UBE2O: variants seen among roughly 807,000 people sequenced by gnomAD.
The protein encoded by UBE2O is ubiquitin conjugating enzyme E2 O, also known as (E3-independent) E2 ubiquitin-conjugating enzyme.
UBE2O carries 15 observed loss-of-function variants against 125.8 expected under a neutral mutation model. The ratio of observed to expected loss-of-function variants is 0.12; its 90% CI spans 0.08 to 0.18. The LOEUF (loss-of-function observed/expected upper bound fraction) is 0.18, where lower values mean the gene tolerates loss of function less well. UBE2O is among the 10% of genes least tolerant of loss of function. The pLI, the probability that UBE2O is intolerant of heterozygous loss-of-function variation, is 1.00. For synonymous variants in UBE2O, 708 were observed against 703.2 expected (o/e 1.01, Z -0.11); for missense variants, 1,280 against 1,723.6 (o/e 0.74, Z 4.56).
Position 76,452,650 on chromosome 17 carries a change from A to T in UBE2O, c.417+75T>A. ...GGCACCGCTCCGGGCAGGGCCCTGC[A>T]CGCCGTCCTTCCCTGGCCTCGGCCC... On this transcript the variant is annotated intron_variant, in intron 1 of 17. Transcript: ENST00000319380. The surrounding 1 kb of genome is among the most constrained non-coding windows in gnomAD (Gnocchi z 4.4). 7.7e-7 allele frequency: 1 copy of T among 1,298,692 alleles called. No individual in the cohort carries two copies. The highest frequency in any genetic ancestry group is 9.8e-7 in the Non-Finnish European group (1 of 1,023,172). The allele number at this position is 1,298,692 out of a possible 1,614,324, so 80.4% of individuals were successfully genotyped here. A position where few individuals can be genotyped will look rare whatever the true frequency, so the allele number is the denominator to read the frequency against.
Position 76,395,553 on chromosome 17 carries a change from G to A in UBE2O, c.2946+172C>T, listed in dbSNP as rs1174994054. Reference sequence around the variant, plus strand: ...AACCATCTGGCCTGGACACACGGCTGAGTCAGCCCTCACCTGACTGAGCCT... The same window carrying A: ...AACCATCTGGCCTGGACACACGGCTAAGTCAGCCCTCACCTGACTGAGCCT... On this transcript the variant is annotated intron_variant, in intron 15 of 17. Coordinates refer to ENST00000319380, the MANE Select transcript of UBE2O (RefSeq NM_022066.4). The surrounding 1 kb of genome is among the most constrained non-coding windows in gnomAD (Gnocchi z 5.0). 4.3e-6 allele frequency: 3 copies of A among 694,526 alleles called. No homozygotes were observed. The highest frequency in any genetic ancestry group is 1.8e-5 in the African/African-American group (1 of 55,632). The allele number at this position is 694,526 out of a possible 1,614,324, so 43.0% of individuals were successfully genotyped here. A position where few individuals can be genotyped will look rare whatever the true frequency, so the allele number is the denominator to read the frequency against.
chr17:76,422,396 G>T (rs1362990147), intron 1 of UBE2O, among the ~76,000 whole-genome samples: 2 of 152,186 alleles, frequency 1.3e-5, no homozygotes, highest in Non-Finnish European at 2.9e-5. Context: ...CTGTCATAAG[G>T]TCTGGGCACC....
rs145563760 is a variant in UBE2O, at chr17:76,448,239, G to C, written c.417+4486C>G. Among the ~76,000 whole-genome samples, 936 of 152,286 alleles carry C rather than the reference G, an allele frequency of 6.1e-3. 7 individuals carry two copies. Among genetic ancestry groups the C allele is most frequent in the African/African-American group, 0.02 (845 of 41,568 alleles). ...CAAAGAATAAAATCACAGAACAGCTGTTAAGAGTCTACAAGTGCTGTGATC... is the reference window on the plus strand; with the variant it reads ...CAAAGAATAAAATCACAGAACAGCTCTTAAGAGTCTACAAGTGCTGTGATC... On this transcript the variant is annotated intron_variant, in intron 1 of 17. Transcript: ENST00000319380.
chr17:76,396,078 G>T lies in UBE2O; in HGVS notation c.2809+50C>A. On this transcript the variant is annotated intron_variant, in intron 14 of 17. Coordinates refer to ENST00000319380, the MANE Select transcript of UBE2O (RefSeq NM_022066.4). This position sits in a 1 kb window ranked among gnomAD's most constrained non-coding sequence, Gnocchi z 6.7. Reference sequence around the variant, plus strand: ...CACCCAGATCTGGTGACACAAACAGGAGCCCCGAGAAGGCGGGGGAAGGCG... The same window carrying T: ...CACCCAGATCTGGTGACACAAACAGTAGCCCCGAGAAGGCGGGGGAAGGCG... The T allele has an allele frequency of 6.3e-7, 1 of 1,582,930 alleles. No individual in the cohort carries two copies.
chr17:76,399,552 C>A lies in UBE2O; in HGVS notation c.1525G>T (p.Gly509Cys). ...SSTTSSQSGS[G>C]TSRKKSIPLS... ...GGGATGCTCTTTTTGCGACTCGTGCCGCTGCCGCTCTGGGAGGAAGTGGTG... is the reference window on the plus strand; with the variant it reads ...GGGATGCTCTTTTTGCGACTCGTGCAGCTGCCGCTCTGGGAGGAAGTGGTG... Residue 509 changes from glycine to cysteine, a missense_variant, in exon 9 of 18, where the codon GGC (glycine) becomes TGC (cysteine). Gly to Cys is a radical substitution (Grantham distance 159). Coordinates refer to ENST00000319380, the MANE Select transcript of UBE2O (RefSeq NM_022066.4). This position sits in a 1 kb window ranked among gnomAD's most constrained non-coding sequence, Gnocchi z 6.9. The A allele has an allele frequency of 6.2e-7, 1 of 1,614,178 alleles. No homozygotes were observed. The highest frequency in any genetic ancestry group is 1.3e-5 in the African/African-American group (1 of 75,036).
chr17:76,413,321 A>G (rs1243049716), intron 1 of UBE2O, among the ~76,000 whole-genome samples: 1 of 152,136 alleles, frequency 6.6e-6, no homozygotes, highest in Admixed American at 6.5e-5. Flanking sequence ...CCCAGTGTGG[A>G]TTTCTGAAAA....
At chr17:76,418,755 G>A (rs2072658047) in intron 1 of UBE2O, among the ~76,000 whole-genome samples, 1 of 152,076 alleles carries the variant, frequency 6.6e-6, no homozygotes, top group African/African-American at 2.4e-5. Context: ...ATTTTTAGTA[G>A]AGACAGGGTT....
intron 1 of UBE2O, among the ~76,000 whole-genome samples, chr17:76,418,770 C>T (rs527900782): frequency 7.9e-5 from 12 of 152,218 alleles, no homozygotes; most frequent in Non-Finnish European, 1.5e-4. Flanking sequence ...AGGGTTTCAC[C>T]GTGTTGGCCA....
chr17:76,437,149 T>TAAAA (rs35867938), intron 1 of UBE2O, among the ~76,000 whole-genome samples: 1 of 129,106 alleles, frequency 7.7e-6, no homozygotes, highest in Non-Finnish European at 1.6e-5. Flanking sequence ...ACTCCATCTT[T>TAAAA]AAAAAAAAAA....
intron 1 of UBE2O, among the ~76,000 whole-genome samples, chr17:76,441,814 T>C (rs972471313): frequency 1.3e-5 from 2 of 152,266 alleles, no homozygotes; most frequent in Admixed American, 6.5e-5. Context: ...GGTGGTTATA[T>C]CTACTTTCAA....
chr17:76,453,090 G>A lies in UBE2O; in HGVS notation c.52C>T (p.Pro18Ser). Residue 18 changes from proline to serine, a missense_variant, in exon 1 of 18, where the codon CCG becomes TCG. By Grantham distance (74) the Pro-to-Ser change is moderately conservative. This residue lies in a region of UBE2O where 188 missense variants were observed against 192.5 expected (regional missense o/e 0.98). Coordinates refer to ENST00000319380, the MANE Select transcript of UBE2O (RefSeq NM_022066.4). The stretch of plus-strand genomic sequence containing the variant: ...GGGACTGCCTCCGGGGCTGGAGCCG[G>A]GGCCTGGGCTGGAGCGGGAGCTGCG... ...TPAAPAPAQA[P>S]APAPEAVPAP... 9.2e-7 allele frequency: 1 copy of A among 1,086,720 alleles called. No individual in the cohort carries two copies. Among genetic ancestry groups the A allele is most frequent in the Non-Finnish European group, 1.2e-6 (1 of 820,930 alleles). The allele number at this position is 1,086,720 out of a possible 1,614,324, so 67.3% of individuals were successfully genotyped here.
At chr17:76,417,177 TCCACCTG>T (rs1316917316) in intron 1 of UBE2O, among the ~76,000 whole-genome samples, 3 of 152,212 alleles carry the variant, frequency 2.0e-5, no homozygotes, top group Admixed American at 6.5e-5. Flanking sequence ...GGTCCTGATT[TCCACCTG>T]CCTGGCACCT....
Position 76,399,665 on chromosome 17 carries a change from T to A in UBE2O, c.1412A>T (p.Asp471Val). The A allele has an allele frequency of 6.2e-7, 1 of 1,614,196 alleles. No individual in the cohort carries two copies. The highest frequency in any genetic ancestry group is 2.2e-5 in the East Asian group (1 of 44,882). The change falls in exon 9 of 18, where the codon GAC (aspartate) becomes GTC (valine). Residue 471 changes from aspartate to valine, a missense_variant. By Grantham distance (152) the Asp-to-Val change is radical. Transcript: ENST00000319380. This position sits in a 1 kb window ranked among gnomAD's most constrained non-coding sequence, Gnocchi z 6.9. ...PPFLLKEGRD[D>V]RLHSAEQDAD... ...GTCCTGCTCTGCCGAGTGCAGCCTG[T>A]CATCTCTGCCTTCTTTTAGCAGGAA...
intron 1 of UBE2O, among the ~76,000 whole-genome samples, chr17:76,411,655 T>C (rs2072518576): frequency 6.6e-6 from 1 of 152,202 alleles, no homozygotes; most frequent in Non-Finnish European, 1.5e-5. Flanking sequence ...CCCCACCGCT[T>C]CTGGAGGTTA....
At chr17:76,406,144 G>A (rs1461851419) in intron 1 of UBE2O, among the ~76,000 whole-genome samples, 2 of 152,216 alleles carry the variant, frequency 1.3e-5, no homozygotes, top group Non-Finnish European at 1.5e-5. Flanking sequence ...AGCCCTGCAG[G>A]CTGCTAAGTA....
In UBE2O at chr17:76,402,224, T is replaced by C. The variant is rs2072339579; in HGVS notation, c.687-97A>G. On this transcript the variant is annotated intron_variant, in intron 4 of 17. Coordinates refer to ENST00000319380, the MANE Select transcript of UBE2O (RefSeq NM_022066.4). The surrounding 1 kb of genome is among the most constrained non-coding windows in gnomAD (Gnocchi z 5.4). Reference sequence around the variant, plus strand: ...TGCCAATGCGCCCACATGCCCTAAATAGCACAATTCGTCTTCTACCATCAA... The same window carrying C: ...TGCCAATGCGCCCACATGCCCTAAACAGCACAATTCGTCTTCTACCATCAA... The C allele has an allele frequency of 4.6e-6, 5 of 1,094,790 alleles. No individual in the cohort carries two copies. The highest frequency in any genetic ancestry group is 1.4e-5 in the South Asian group (1 of 71,484). The allele number at this position is 1,094,790 out of a possible 1,614,324, so 67.8% of individuals were successfully genotyped here. A position where few individuals can be genotyped will look rare whatever the true frequency, so the allele number is the denominator to read the frequency against.
chr17:76,414,827 C>A (rs948950187), intron 1 of UBE2O, among the ~76,000 whole-genome samples: 1 of 152,090 alleles, frequency 6.6e-6, no homozygotes, highest in Non-Finnish European at 1.5e-5. Context: ...AGCTGGGAGC[C>A]GAGGAGCCCA....
Position 76,389,624 on chromosome 17 carries a change from G to A in UBE2O, c.*1319C>T, listed in dbSNP as rs139026939. Reference sequence around the variant, plus strand: ...CTCCACATGTACAATGCACTGGGAAGCACAGCCCCACCAGTCACTCCGGGT... The same window carrying A: ...CTCCACATGTACAATGCACTGGGAAACACAGCCCCACCAGTCACTCCGGGT... On this transcript the variant is annotated 3_prime_UTR_variant, in exon 18 of 18. Coordinates refer to ENST00000319380, the MANE Select transcript of UBE2O (RefSeq NM_022066.4). 6.6e-6 allele frequency: 1 copy of A among 151,906 alleles called. No individual in the cohort carries two copies. The highest frequency in any genetic ancestry group is 2.4e-5 in the African/African-American group (1 of 41,336). The allele number at this position is 151,906 out of a possible 1,614,324, so 9.4% of individuals were successfully genotyped here. A position where few individuals can be genotyped will look rare whatever the true frequency, so the allele number is the denominator to read the frequency against.
Position 76,396,547 on chromosome 17 carries a change from C to T in UBE2O, c.2390G>A (p.Gly797Glu). The change falls in exon 14 of 18, where the codon GGG becomes GAG. Residue 797 changes from glycine to glutamate, a missense_variant. Physicochemically the swap from Gly to Glu is moderately conservative, Grantham distance 98. Coordinates refer to ENST00000319380, the MANE Select transcript of UBE2O (RefSeq NM_022066.4). The surrounding 1 kb of genome is among the most constrained non-coding windows in gnomAD (Gnocchi z 6.7). The part of the protein sequence containing the change: ...GAVAMAAPMA[G>E]LMEKAGKDGP... ...GTCCTTGCCAGCCTTCTCCATCAGC[C>T]CGGCCATGGGGGCAGCCATGGCCAC... 1 of 1,612,252 alleles carries T rather than the reference C, an allele frequency of 6.2e-7. No homozygotes were observed. The highest frequency in any genetic ancestry group is 8.5e-7 in the Non-Finnish European group (1 of 1,179,402).
Sources: allele counts gnomAD v4.1 joint callset (sites outside exome capture counted in the v4.1 genomes callset), GRCh38; gene constraint gnomAD v4.1.1; regional missense constraint gnomAD v4.1.1; non-coding constraint Gnocchi (gnomAD v3.1); transcripts MANE v1.5; gene names NCBI Gene and HGNC (gene_info 2026-07-23, HGNC 2026-07-21).